Variants in SLC38A1 observed in about 807,000 individuals in gnomAD.
SLC38A1 encodes solute carrier family 38 member 1, also known as sodium-coupled neutral amino acid symporter 1.
A neutral mutation model predicts 60.3 loss-of-function variants in SLC38A1; 18 were observed. The observed-to-expected ratio is 0.30, with a 90% CI of 0.21 to 0.44. The LOEUF (loss-of-function observed/expected upper bound fraction) is 0.44. Ranked by LOEUF, SLC38A1 falls within the 20% of genes least tolerant of loss-of-function variation. The probability of loss-of-function intolerance (pLI) is 1.00; values close to 1 mark genes in which losing one functional copy is unlikely to be tolerated. For synonymous variants in SLC38A1, 196 were observed against 212.1 expected, an observed-to-expected ratio of 0.92 and a Z score of 0.66; for missense variants, 448 against 587.2, an observed-to-expected ratio of 0.76 and a Z score of 2.45.
Position 46,223,609 on chromosome 12 carries a change from T to C in SLC38A1, c.314+5544A>G, listed in dbSNP as rs186895028. Among the ~76,000 whole-genome samples, 449 of 152,128 alleles carry C rather than the reference T, an allele frequency of 3.0e-3. 4 individuals carry two copies. The highest frequency in any genetic ancestry group is 0.01 in the African/African-American group (422 of 41,516). On this transcript the variant is annotated intron_variant, in intron 5 of 16. Transcript: ENST00000398637. ...TCCCACAACCACAACACAAATGAGA[T>C]AGAAAATGGAAAAAAAGAATCCAAA...
chr12:46,212,839 T>A (rs1940235303), intron 5 of SLC38A1, among the ~76,000 whole-genome samples: 1 of 152,188 alleles, frequency 6.6e-6, no homozygotes, highest in Non-Finnish European at 1.5e-5. Flanking sequence ...CCCATTCTGT[T>A]TCTGAAAAGT....
intron 3 of SLC38A1, among the ~76,000 whole-genome samples, chr12:46,238,875 T>C (rs145289011): frequency 9.2e-5 from 14 of 152,344 alleles, no homozygotes; most frequent in Non-Finnish European, 1.8e-4. Context: ...TCTATTATAG[T>C]TCCTCACAGA....
Position 46,203,082 on chromosome 12 carries a change from T to C in SLC38A1, c.830A>G (p.Tyr277Cys), listed in dbSNP as rs1939734079. 4 of 1,613,600 alleles carry C rather than the reference T, an allele frequency of 2.5e-6. No individual in the cohort carries two copies. The highest frequency in any genetic ancestry group is 2.2e-5 in the East Asian group (1 of 44,876). The part of the protein sequence containing the change: ...KYVTFNSKTV[Y>C]ALPTIAFAFV... ...TGCAAATGCAATGGTGGGTAAAGCA[T>C]ACACGGTCTATTTGAGAGAAAAGAA... The change falls in exon 12 of 17, where the codon TAT becomes TGT. Residue 277 changes from tyrosine (Y) to cysteine (C), a missense_variant. By Grantham distance (194) the Tyr-to-Cys change is radical (BLOSUM62 -2). Coordinates refer to ENST00000398637, the MANE Select transcript of SLC38A1 (RefSeq NM_030674.4).
rs191588544 is a variant in SLC38A1, at chr12:46,200,537, G to T, written c.1003+561C>A. 2.0e-5 allele frequency among the ~76,000 whole-genome samples: 3 copies of T among 152,006 alleles called. No individual in the cohort carries two copies. In the South Asian group the frequency reaches 6.2e-4, roughly 32 times the overall value. On this transcript the variant is annotated intron_variant, in intron 13 of 16. Transcript: ENST00000398637. ...AGAGGATGAAGAAGCAGTAAACGCC[G>T]GTAAACTGTTCATTCAGGGTCAGTA...
intron 12 of SLC38A1, among the ~76,000 whole-genome samples, chr12:46,202,609 C>T (rs957868844): frequency 6.6e-5 from 10 of 152,102 alleles, no homozygotes; most frequent in Admixed American, 3.9e-4. Flanking sequence ...TCACCCAAAC[C>T]CACAGGCAAA....
intron 1 of SLC38A1, among the ~76,000 whole-genome samples, chr12:46,248,763 A>C (rs1941717812): frequency 6.6e-6 from 1 of 152,208 alleles, no homozygotes; most frequent in Non-Finnish European, 1.5e-5. Flanking sequence ...CTGACCACAT[A>C]GTTGGAAGTA....
chr12:46,243,476 G>A (rs1941512814), intron 1 of SLC38A1, among the ~76,000 whole-genome samples, 162 bp from the exon 2 acceptor site: 1 of 151,900 alleles, frequency 6.6e-6, no homozygotes, highest in Admixed American at 6.6e-5. Flanking sequence ...CATTACTGTT[G>A]ATACTTGGTT....
rs1370860124 is a variant in SLC38A1, at chr12:46,204,625, T to A, written c.647-35A>T. 4.6e-6 allele frequency: 7 copies of A among 1,536,856 alleles called. No individual in the cohort carries two copies. In the African/African-American group the frequency reaches 9.9e-5, roughly 22 times the overall value. On this transcript the variant is annotated intron_variant, in intron 9 of 16. Coordinates refer to ENST00000398637, the MANE Select transcript of SLC38A1 (RefSeq NM_030674.4). ...AAAGTAAAAAATAAATTATTTCATT[T>A]TTTTCCATTTTTAAAAATTTTGGAG... is the stretch of plus-strand genomic sequence containing the variant.
At chr12:46,248,132 G>A (rs1190482759) in intron 1 of SLC38A1, among the ~76,000 whole-genome samples, 5 of 152,118 alleles carry the variant, frequency 3.3e-5, no homozygotes, top group East Asian at 3.9e-4. Flanking sequence ...ATCAATTAAC[G>A]AGCAAAATAA....
At chr12:46,239,532 T>G (rs942044516) in intron 3 of SLC38A1, 147 bp downstream of exon 3, 4 of 762,624 alleles carry the variant, frequency 5.2e-6, no homozygotes, top group South Asian at 1.7e-5. Context: ...ACCATGTTGG[T>G]GGGTTTCACC....
chr12:46,199,394 A>G (rs1300023346), intron 13 of SLC38A1, among the ~76,000 whole-genome samples: 2 of 145,596 alleles, frequency 1.4e-5, no homozygotes, highest in African/African-American at 5.1e-5. Flanking sequence ...CCCAGGCTGG[A>G]ATATGGTTGC....
intron 1 of SLC38A1, among the ~76,000 whole-genome samples, chr12:46,264,375 G>C (rs971407407): frequency 2.0e-5 from 3 of 152,166 alleles, no homozygotes; most frequent in African/African-American, 7.2e-5. Flanking sequence ...TATTGCCAAA[G>C]ACACATTGTA....
chr12:46,226,846 A>T (rs1390804616), intron 5 of SLC38A1, among the ~76,000 whole-genome samples: 1 of 152,062 alleles, frequency 6.6e-6, no homozygotes, highest in African/African-American at 2.4e-5. Context: ...GGCTGGTCTC[A>T]AACTGCCAGG....
At chr12:46,253,506 G>C (rs1941927374) in intron 1 of SLC38A1, among the ~76,000 whole-genome samples, 1 of 152,208 alleles carries the variant, frequency 6.6e-6, no homozygotes, top group African/African-American at 2.4e-5. Flanking sequence ...GCACTGGTGA[G>C]AGTGTAGCAG....
intron 16 of SLC38A1, among the ~76,000 whole-genome samples, chr12:46,192,425 T>C (rs921910707): frequency 6.6e-6 from 1 of 152,220 alleles, no homozygotes; most frequent in Non-Finnish European, 1.5e-5. Context: ...CAGGCTTTGA[T>C]AACAGGATGA....
chr12:46,226,168 A>G (rs1351107973), intron 5 of SLC38A1, among the ~76,000 whole-genome samples: 7 of 152,184 alleles, frequency 4.6e-5, no homozygotes, highest in Non-Finnish European at 1.0e-4. Flanking sequence ...GGGATGAAAT[A>G]ATAAAATAGC....
chr12:46,260,460 C>T (rs1040884988), intron 1 of SLC38A1, among the ~76,000 whole-genome samples: 1 of 152,210 alleles, frequency 6.6e-6, no homozygotes, highest in African/African-American at 2.4e-5. Context: ...TGCCACTTAA[C>T]ATGTCACATG....
At chr12:46,249,941 C>G (rs989964042) in intron 1 of SLC38A1, among the ~76,000 whole-genome samples, 1 of 152,188 alleles carries the variant, frequency 6.6e-6, no homozygotes, top group African/African-American at 2.4e-5. Flanking sequence ...CCTCCTGAAA[C>G]TATTCTAATT....
intron 2 of SLC38A1, among the ~76,000 whole-genome samples, 158 bp downstream of exon 2, chr12:46,243,042 A>C (rs975982032): frequency 1.3e-5 from 2 of 151,928 alleles, no homozygotes; most frequent in Non-Finnish European, 1.5e-5. Flanking sequence ...TTTGAAGAAC[A>C]GAAGTGATTA....
Sources: allele counts gnomAD v4.1 joint callset (sites outside exome capture counted in the v4.1 genomes callset), GRCh38; gene constraint gnomAD v4.1.1; transcripts MANE v1.5; gene names NCBI Gene and HGNC (gene_info 2026-07-23, HGNC 2026-07-21).